The following ELF4 variants were observed in gnomAD, a reference collection of about 807,000 sequenced individuals.
ELF4 encodes the protein ETS-related transcription factor Elf-4.
In ELF4, 10 loss-of-function variants were observed where a neutral mutation model predicts 31.7. That is an observed-to-expected ratio of 0.32 (90% CI 0.19 to 0.54). The LOEUF (loss-of-function observed/expected upper bound fraction) is 0.54. ELF4 is among the 20% of genes least tolerant of loss of function. The probability of loss-of-function intolerance (pLI) is 0.95; values close to 1 mark genes in which losing one functional copy is unlikely to be tolerated. For missense variants in ELF4, 418 were observed against 522.0 expected, an observed-to-expected ratio of 0.80 and a Z score of 1.94; for synonymous variants, 208 against 226.7, an observed-to-expected ratio of 0.92 and a Z score of 0.74.
intron 1 of ELF4, among the ~76,000 whole-genome samples, chrX:130,084,127 G>A (rs981859832): frequency 1.3e-4 from 15 of 112,415 alleles, no homozygotes; most frequent in African/African-American, 3.9e-4. Context: ...TGTCCCAAGC[G>A]TGGAGACGTG....
Position 130,074,159 on chromosome X carries a change from G to A in ELF4, c.248-18C>T. On this transcript the variant is annotated intron_variant, in intron 3 of 8. Coordinates refer to ENST00000308167, the MANE Select transcript of ELF4 (RefSeq NM_001421.4). ...ATTGTCATCTGGTCCGGGTTCCATG[G>A]TGGGAGGAGAGAAGAAAAGTTCCCT... The A allele has an allele frequency of 8.3e-7, 1 of 1,208,934 alleles. No individual in the cohort carries two copies. The highest frequency in any genetic ancestry group is 1.1e-6 in the Non-Finnish European group (1 of 893,148).
chrX:130,110,781 G>A (rs1392471802), upstream of ELF4: 1 of 105,921 alleles, frequency 9.4e-6, no homozygotes, highest in African/African-American at 3.4e-5. Context: ...CGGGGAGCGG[G>A]GCGGACGCCG....
chrX:130,108,081 G>A (rs1933406157), intron 1 of ELF4, among the ~76,000 whole-genome samples: 1 of 111,811 alleles, frequency 8.9e-6, no homozygotes, highest in Admixed American at 9.5e-5. Flanking sequence ...GGTGGTACAT[G>A]CCTGTAATCC....
Position 130,072,219 on chromosome X carries a change from C to G in ELF4, c.532+7G>C, listed in dbSNP as rs757435292. The stretch of plus-strand genomic sequence containing the variant: ...AGACACACATACACTCACTCTCCCC[C>G]ACTTACTTCTCTTCTTTGATTTCCC... On this transcript the variant is annotated splice_region_variant and intron_variant, in intron 5 of 8. Transcript: ENST00000308167. The G allele has an allele frequency of 3.7e-5, 45 of 1,209,561 alleles. No homozygotes were observed. Among genetic ancestry groups the G allele is most frequent in the South Asian group, 5.3e-5 (3 of 56,790 alleles).
intron 2 of ELF4, among the ~76,000 whole-genome samples, chrX:130,080,059 A>T (rs1932872797): frequency 8.9e-6 from 1 of 112,041 alleles, no homozygotes. Context: ...CATCTGAGTT[A>T]GACTGGAATG....
chrX:130,092,695 C>G (rs1174945473), intron 1 of ELF4, among the ~76,000 whole-genome samples: 1 of 111,863 alleles, frequency 8.9e-6, no homozygotes, highest in Non-Finnish European at 1.9e-5. Context: ...AGGACTAGCC[C>G]AGGGTGGCTT....
At position 130,069,308 on chromosome X, in the gene ELF4, T is replaced by C; in HGVS notation, c.1179A>G (p.Lys393=). 1.7e-6 allele frequency: 2 copies of C among 1,211,631 alleles called. No individual in the cohort carries two copies. Among genetic ancestry groups the C allele is most frequent in the Non-Finnish European group, 2.2e-6 (2 of 895,525 alleles). ...SPAEGQVKLT[K]AVSASSVPSN... is the part of the protein sequence containing the mutation. ...GACCTGGGTGCCCTTACCTCACAGC[T>C]TTGGTGAGCTTGACCTGGCCCTCTG... Residue 393 remains lysine (K), a synonymous_variant, in exon 8 of 9, where the codon AAA becomes AAG. Transcript: ENST00000308167.
At chrX:130,107,256 C>T (rs768746854) in intron 1 of ELF4, among the ~76,000 whole-genome samples, 3 of 109,885 alleles carry the variant, frequency 2.7e-5, no homozygotes, top group South Asian at 3.8e-4. Context: ...CCAGCCTGGG[C>T]GACAGAGCAA....
chrX:130,091,887 G>A (rs989189336), intron 1 of ELF4, among the ~76,000 whole-genome samples: 5 of 111,678 alleles, frequency 4.5e-5, no homozygotes, highest in African/African-American at 1.3e-4. Flanking sequence ...ACAGTTCTTA[G>A]CAGGCATGGT....
At position 130,065,427 on chromosome X, in the gene ELF4, C is replaced by T; in HGVS notation, c.*1294G>A. ...ACTCCTGGCTGCCGACTCCCGTCTT[C>T]TTGGTGAAGGAGTCAGGGTTAGGTG... On this transcript the variant is annotated 3_prime_UTR_variant, in exon 9 of 9. Coordinates refer to ENST00000308167, the MANE Select transcript of ELF4 (RefSeq NM_001421.4). 5.7e-6 allele frequency: 1 copy of T among 175,816 alleles called. No individual in the cohort carries two copies. The highest frequency in any genetic ancestry group is 8.0e-5 in the East Asian group (1 of 12,442). The allele number at this position is 175,816 out of a possible 1,213,427, so 14.5% of individuals were successfully genotyped here.
chrX:130,074,433 G>T, intron 3 of ELF4, 148 bp downstream of exon 3: 2 of 790,715 alleles, frequency 2.5e-6, no homozygotes, highest in Non-Finnish European at 3.7e-6. Flanking sequence ...TACTAAGATG[G>T]TTCCCTCCTC....
rs764777582 is a variant in ELF4 at position 130,064,987 on chromosome X, C to T, written c.*1734G>A. ...ACTTTAATGCCAACTGCTGGAAACA[C>T]GCATAGTAAATACATTTGCACAACC... On this transcript the variant is annotated 3_prime_UTR_variant, in exon 9 of 9. Transcript: ENST00000308167. The T allele has an allele frequency of 1.8e-5, 3 of 169,034 alleles. No homozygotes were observed. The highest frequency in any genetic ancestry group is 3.0e-5 in the African/African-American group (1 of 33,713). The allele number at this position is 169,034 out of a possible 1,213,427, so 13.9% of individuals were successfully genotyped here.
rs759518226 is a variant in ELF4, at chrX:130,069,460, T to C, written c.1027A>G (p.Lys343Glu). 1 of 1,211,138 alleles carries C rather than the reference T, an allele frequency of 8.3e-7. No individual in the cohort carries two copies. The highest frequency in any genetic ancestry group is 2.2e-5 in the Admixed American group (1 of 45,976). Residue 343 changes from lysine (K) to glutamate (E), a missense_variant, in exon 8 of 9, where the codon AAG (lysine) becomes GAG (glutamate). Lys to Glu is a moderately conservative substitution (Grantham distance 56). Around this residue, in one of 4 missense-constraint regions of ELF4, gnomAD observed 260 missense variants for 269.2 expected, o/e 0.97. Transcript: ENST00000308167. ...GGCTTCTCCCAAGAAGAGCTGCCCT[T>C]GCCCTGGGGGGCAGATCTGGATGAG... is the stretch of plus-strand genomic sequence containing the variant. ...RVSSRSAPQG[K>E]GSSSWEKPKI... is the part of the protein sequence containing the mutation.
intron 1 of ELF4, among the ~76,000 whole-genome samples, chrX:130,081,752 T>C (rs965847592): frequency 3.5e-4 from 39 of 112,257 alleles, no homozygotes; most frequent in African/African-American, 1.1e-3. Context: ...CTGAATGGCC[T>C]CCAGTGGGAA....
chrX:130,064,285 A>G lies in ELF4; in HGVS notation c.*2436T>C, dbSNP rs1452871389. On this transcript the variant is annotated 3_prime_UTR_variant, in exon 9 of 9. Transcript: ENST00000308167. ...AAACCCTGGCTCTACTGAAAATACA[A>G]AAATTAGCTGGGCATGGTGGCATGT... Among the ~76,000 whole-genome samples, 5 of 111,239 alleles carry G rather than the reference A, an allele frequency of 4.5e-5. No homozygotes were observed. Among genetic ancestry groups the G allele is most frequent in the African/African-American group, 1.6e-4 (5 of 30,570 alleles).
chrX:130,096,180 T>TTTTTG (rs1400706621), intron 1 of ELF4, among the ~76,000 whole-genome samples: 11 of 110,864 alleles, frequency 9.9e-5, no homozygotes, highest in African/African-American at 3.3e-4. Context: ...TTTGGGTTTT[T>TTTTTG]TTTTGTTTTG....
chrX:130,081,332 C>T lies in ELF4; in HGVS notation c.-2G>A. On this transcript the variant is annotated 5_prime_UTR_variant, in exon 2 of 9. Coordinates refer to ENST00000308167, the MANE Select transcript of ELF4 (RefSeq NM_001421.4). ...ACTGGGCTGTAGGGTAATAGCCATG[C>T]TGTCTTTTCAGAGAGCTGACAACGG... The T allele has an allele frequency of 9.9e-6, 12 of 1,211,596 alleles. No homozygotes were observed. Among genetic ancestry groups the T allele is most frequent in the Non-Finnish European group, 1.3e-5 (12 of 895,056 alleles).
chrX:130,073,934 T>G, intron 4 of ELF4, 115 bp downstream of exon 4: 1 of 713,747 alleles, frequency 1.4e-6, no homozygotes, highest in African/African-American at 2.1e-5. Context: ...TATCGGTGGG[T>G]GTGGTGCATG....
intron 1 of ELF4, among the ~76,000 whole-genome samples, chrX:130,095,578 G>A (rs1022772844): frequency 1.8e-5 from 2 of 111,499 alleles, no homozygotes; most frequent in Non-Finnish European, 3.8e-5. Context: ...CCAGGCTTGT[G>A]TCCCAAGCCC....
Sources: gnomAD v4.1 joint callset for allele counts (sites outside exome capture counted in the v4.1 genomes callset) on GRCh38, gnomAD v4.1.1 for gene constraint, gnomAD v4.1.1 regional missense constraint, MANE v1.5 for transcripts, NCBI Gene and HGNC (gene_info 2026-07-23, HGNC 2026-07-21) for gene names.